Variants in LRP1B observed in about 807,000 individuals in gnomAD.
LRP1B encodes the protein low-density lipoprotein receptor-related protein 1B.
Under a neutral mutation model 556.6 loss-of-function variants are expected in LRP1B, and 217 were observed. The observed-to-expected ratio is 0.39, with a 90% confidence interval of 0.35 to 0.44. LRP1B has a LOEUF of 0.44. LRP1B is among the 20% of genes least tolerant of loss of function. LRP1B has a pLI of 1.00. For missense variants in LRP1B, 5,053 were observed against 5,620.8 expected (o/e 0.90, Z 3.23); for synonymous variants, 2,047 against 1,865.8 (o/e 1.10, Z -2.50).
intron 41 of LRP1B, among the ~76,000 whole-genome samples, chr2:140,658,230 T>C (rs1347097335): frequency 4.6e-5 from 7 of 152,030 alleles, no homozygotes; most frequent in Non-Finnish European, 8.8e-5. Flanking sequence ...TCTGGATACT[T>C]TGAAGGAAAA....
intron 7 of LRP1B, among the ~76,000 whole-genome samples, chr2:141,177,295 T>A (rs1387803698): frequency 6.6e-6 from 1 of 152,084 alleles, no homozygotes; most frequent in Non-Finnish European, 1.5e-5. Context: ...AAATAAATAT[T>A]TCAATCCACT....
chr2:141,859,923 C>A (rs1183331416), intron 1 of LRP1B, among the ~76,000 whole-genome samples: 1 of 152,122 alleles, frequency 6.6e-6, no homozygotes, highest in Non-Finnish European at 1.5e-5. Flanking sequence ...TTTTAGTATA[C>A]AAATCTCATG....
intron 66 of LRP1B, among the ~76,000 whole-genome samples, chr2:140,397,787 A>G (rs1684317196): frequency 6.6e-6 from 1 of 152,158 alleles, no homozygotes; most frequent in Non-Finnish European, 1.5e-5. Context: ...ATTTGAAATA[A>G]AATACTTTTT....
At position 140,898,994 on chromosome 2, in the gene LRP1B, T is replaced by C. The variant is rs148055499; in HGVS notation, c.3766+3926A>G. ...GAAGAGAACTGTCTTGAGCTCAGCATGCTTTCACAGAGCATCTGCAGTGAT... is the reference window on the plus strand; with the variant it reads ...GAAGAGAACTGTCTTGAGCTCAGCACGCTTTCACAGAGCATCTGCAGTGAT... On this transcript the variant is annotated intron_variant, in intron 23 of 90. Coordinates refer to ENST00000389484, the MANE Select transcript of LRP1B (RefSeq NM_018557.3). 2.4e-4 allele frequency: 90 copies of C among 371,168 alleles called. No homozygotes were observed. The East Asian group carries it at 6.1e-3, about 25-fold the overall frequency. 23.0% of individuals were successfully genotyped at this position (371,168 alleles called of 1,614,324 possible).
At chr2:140,382,286 C>A (rs1169964177) in intron 67 of LRP1B, among the ~76,000 whole-genome samples, 6 of 152,158 alleles carry the variant, frequency 3.9e-5, no homozygotes, top group East Asian at 3.9e-4. Flanking sequence ...CTATGTAAAC[C>A]TTAATTTTTA....
intron 13 of LRP1B, among the ~76,000 whole-genome samples, chr2:141,015,328 T>C (rs1697870689): frequency 6.6e-6 from 1 of 152,146 alleles, no homozygotes. Context: ...AATTACTTCC[T>C]CGTAATACAT....
intron 6 of LRP1B, among the ~76,000 whole-genome samples, chr2:141,211,312 A>AAAAC (rs1558935712): frequency 5.3e-5 from 8 of 151,502 alleles, no homozygotes; most frequent in African/African-American, 1.7e-4. Flanking sequence ...TTTAAAAAAA[A>AAAAC]AAAACAAAAC....
intron 3 of LRP1B, among the ~76,000 whole-genome samples, chr2:141,321,098 A>G (rs989335058): frequency 4.6e-5 from 7 of 152,170 alleles, no homozygotes; most frequent in Non-Finnish European, 8.8e-5. Flanking sequence ...CAGCCATGTA[A>G]CATGAAAACA....
chr2:141,191,898 C>T (rs1391595317), intron 6 of LRP1B, among the ~76,000 whole-genome samples: 8 of 151,892 alleles, frequency 5.3e-5, no homozygotes, highest in Non-Finnish European at 1.2e-4. Flanking sequence ...ATCCCTCAAG[C>T]TGGGCATGCA....
intron 2 of LRP1B, among the ~76,000 whole-genome samples, chr2:141,662,500 T>C (rs770924337): frequency 6.6e-5 from 10 of 151,610 alleles, no homozygotes; most frequent in Non-Finnish European, 1.2e-4. Flanking sequence ...ATCAAGCAAA[T>C]GGAAAGCAGA....
chr2:141,755,546 A>T lies in LRP1B; in HGVS notation c.205+54733T>A, dbSNP rs947781554. On this transcript the variant is annotated intron_variant, in intron 2 of 90. Coordinates refer to ENST00000389484, the MANE Select transcript of LRP1B (RefSeq NM_018557.3). ...CTTGGCAAGGCTATAGAGAAAAATC[A>T]TGTTTACTGCTAAAGAGGTCACGAG... Among the ~76,000 whole-genome samples, 8 of 152,198 alleles carry T rather than the reference A, an allele frequency of 5.3e-5. No individual in the cohort carries two copies. The East Asian group carries it at 1.4e-3, about 26-fold the overall frequency.
intron 15 of LRP1B, 55 bp downstream of exon 15, chr2:141,005,280 C>T (rs2105373398): frequency 6.3e-7 from 1 of 1,581,650 alleles, no homozygotes; most frequent in Non-Finnish European, 8.6e-7. Context: ...TCTTCTGCTT[C>T]TAGTCTTCAG....
At chr2:140,606,583 G>T (rs1682875795) in intron 41 of LRP1B, among the ~76,000 whole-genome samples, 1 of 151,936 alleles carries the variant, frequency 6.6e-6, no homozygotes, top group Admixed American at 6.6e-5. Context: ...AACAAAGTTA[G>T]TGGGCTCACA....
At position 141,736,161 on chromosome 2, in the gene LRP1B, T is replaced by C. The variant is rs10208153; in HGVS notation, c.205+74118A>G. Among the ~76,000 whole-genome samples the C allele has an allele frequency of 9.8e-3, 1,498 of 152,148 alleles. 14 individuals are homozygous for C. Among genetic ancestry groups the C allele is most frequent in the Middle Eastern group, 0.027 (8 of 294 alleles). On this transcript the variant is annotated intron_variant, in intron 2 of 90. Transcript: ENST00000389484. ...CCCTTGGAAACCCAGACTAAATTGG[T>C]GTGGATTTCTCAGGCTGAGAATAAA...
At chr2:140,506,975 A>G in intron 52 of LRP1B, 57 bp from the exon 53 acceptor site, 1 of 1,541,506 alleles carries the variant, frequency 6.5e-7, no homozygotes, top group Admixed American at 2.0e-5. Context: ...ATCTTCCCCT[A>G]TATTAGGAGC....
rs530216456 is a variant in LRP1B, at chr2:141,786,136, A to C, written c.205+24143T>G. Among the ~76,000 whole-genome samples, 352 of 152,068 alleles carry C rather than the reference A, an allele frequency of 2.3e-3. 2 individuals are homozygous for C. Among genetic ancestry groups the C allele is most frequent in the Non-Finnish European group, 4.0e-3 (273 of 67,920 alleles). ...TATTCCGATACTTTTCCACTGTATAATCACTCAATTATATTCATGTGAAAG... is the reference window on the plus strand; with the variant it reads ...TATTCCGATACTTTTCCACTGTATACTCACTCAATTATATTCATGTGAAAG... On this transcript the variant is annotated intron_variant, in intron 2 of 90. Transcript: ENST00000389484.
rs981880518 is a variant in LRP1B at position 140,859,109 on chromosome 2, C to T, written c.4580-7326G>A. Among the ~76,000 whole-genome samples the T allele has an allele frequency of 5.9e-5, 9 of 152,072 alleles. No homozygotes were observed. The South Asian group carries it at 6.2e-4, about 11-fold the overall frequency. The stretch of plus-strand genomic sequence containing the variant: ...TGCTGGGTTTACCAGTGTCAGCCAT[C>T]GGGACTGGCCTAGATCTTAATATAG... On this transcript the variant is annotated intron_variant, in intron 27 of 90. Transcript: ENST00000389484.
intron 1 of LRP1B, among the ~76,000 whole-genome samples, chr2:142,011,360 C>G (rs989905811): frequency 4.6e-5 from 7 of 152,140 alleles, no homozygotes; most frequent in African/African-American, 1.7e-4. Context: ...TCAATCATTT[C>G]TCAAGTCTAA....
intron 22 of LRP1B, among the ~76,000 whole-genome samples, chr2:140,905,244 G>A (rs1040043163): frequency 2.6e-5 from 4 of 151,714 alleles, no homozygotes; most frequent in African/African-American, 9.7e-5. Flanking sequence ...AAGCCCCTGG[G>A]CCACAAATAC....
Sources: allele counts gnomAD v4.1 joint callset (sites outside exome capture counted in the v4.1 genomes callset), GRCh38; gene constraint gnomAD v4.1.1; transcripts MANE v1.5; gene names NCBI Gene and HGNC (gene_info 2026-07-23, HGNC 2026-07-21).